Variants in LRMDA observed in about 807,000 individuals in gnomAD.
The protein encoded by LRMDA is leucine-rich melanocyte differentiation-associated protein.
Under a neutral mutation model 29.8 loss-of-function variants are expected in LRMDA, and 18 were observed. The observed-to-expected ratio is 0.60, with a 90% CI of 0.42 to 0.90. LRMDA has a LOEUF of 0.90. Among genes scored for constraint, LRMDA ranks in the 40% least tolerant of loss-of-function variants. The probability of loss-of-function intolerance (pLI) is 0.00; values close to 1 mark genes in which losing one functional copy is unlikely to be tolerated. For missense variants in LRMDA, 273 were observed against 273.9 expected (o/e 1.00, Z 0.02); for synonymous variants, 125 against 109.4 (o/e 1.14, Z -0.89).
At chr10:76,316,332 C>G (rs1041714045) in intron 5 of LRMDA, among the ~76,000 whole-genome samples, 1 of 152,206 alleles carries the variant, frequency 6.6e-6, no homozygotes, top group Admixed American at 6.5e-5. Flanking sequence ...TTGGAGCCAG[C>G]GCCTATACTG....
intron 2 of LRMDA, among the ~76,000 whole-genome samples, chr10:75,915,292 T>A (rs1469711830): frequency 6.6e-6 from 1 of 151,426 alleles, no homozygotes; most frequent in Non-Finnish European, 1.5e-5. Context: ...CCTGCCATCA[T>A]GCCCAGCTAA....
intron 6 of LRMDA, among the ~76,000 whole-genome samples, chr10:76,389,964 A>C (rs577394761): frequency 1.3e-5 from 2 of 152,270 alleles, no homozygotes; most frequent in East Asian, 3.9e-4. Context: ...CCTATAGATA[A>C]ATCTTTGAGA....
intron 2 of LRMDA, among the ~76,000 whole-genome samples, chr10:75,505,526 G>A (rs1845159916): frequency 6.6e-6 from 1 of 152,140 alleles, no homozygotes; most frequent in Non-Finnish European, 1.5e-5. Context: ...CAGGAGCAAG[G>A]GTTAGATGTT....
chr10:76,143,153 C>A (rs548294367), intron 5 of LRMDA, among the ~76,000 whole-genome samples: 3 of 152,098 alleles, frequency 2.0e-5, no homozygotes, highest in African/African-American at 7.2e-5. Flanking sequence ...TGTAAACATA[C>A]GTGTGCATGT....
At chr10:76,380,541 C>T (rs1250602128) in intron 6 of LRMDA, among the ~76,000 whole-genome samples, 10 of 151,762 alleles carry the variant, frequency 6.6e-5, no homozygotes, top group South Asian at 4.2e-4. Flanking sequence ...TGGTGGCGGG[C>T]GCCTGTAGTC....
At chr10:75,433,756 A>G (rs1187109970) in intron 1 of LRMDA, among the ~76,000 whole-genome samples, 2 of 152,178 alleles carry the variant, frequency 1.3e-5, no homozygotes, top group Admixed American at 6.5e-5. Context: ...ATGTTACTCA[A>G]ATATAAAAAC....
intron 2 of LRMDA, among the ~76,000 whole-genome samples, chr10:75,446,979 A>G (rs908144072): frequency 2.6e-5 from 4 of 152,174 alleles, no homozygotes; most frequent in African/African-American, 9.6e-5. Flanking sequence ...TAGTGGTCTT[A>G]TTTGGGAAGC....
intron 6 of LRMDA, among the ~76,000 whole-genome samples, chr10:76,513,296 A>G (rs1843026564): frequency 1.3e-5 from 2 of 152,332 alleles, no homozygotes; most frequent in Non-Finnish European, 2.9e-5. Flanking sequence ...ACAAAAGCTA[A>G]TTGGCATCCT....
intron 2 of LRMDA, among the ~76,000 whole-genome samples, chr10:75,844,248 A>G (rs781258865): frequency 7.9e-5 from 12 of 152,216 alleles, no homozygotes; most frequent in Non-Finnish European, 5.9e-5. Flanking sequence ...GGCCTATGGT[A>G]TGTGGTTTCG....
At chr10:75,832,857 G>T (rs926911535) in intron 2 of LRMDA, among the ~76,000 whole-genome samples, 1 of 152,148 alleles carries the variant, frequency 6.6e-6, no homozygotes, top group Non-Finnish European at 1.5e-5. Context: ...TCACTATCAC[G>T]AGAACAACAC....
At chr10:75,599,876 G>T (rs1840859454) in intron 2 of LRMDA, among the ~76,000 whole-genome samples, 1 of 152,190 alleles carries the variant, frequency 6.6e-6, no homozygotes, top group Admixed American at 6.5e-5. Flanking sequence ...TTCTGAGGCT[G>T]GAGTAGGATG....
At chr10:75,926,095 G>A (rs929299211) in intron 2 of LRMDA, among the ~76,000 whole-genome samples, 1 of 152,312 alleles carries the variant, frequency 6.6e-6, no homozygotes, top group Admixed American at 6.5e-5. Flanking sequence ...TAATCCATGT[G>A]CTAGGTACAC....
intron 6 of LRMDA, among the ~76,000 whole-genome samples, chr10:76,527,752 A>T (rs1564567424): frequency 6.6e-6 from 1 of 152,194 alleles, no homozygotes; most frequent in Non-Finnish European, 1.5e-5. Context: ...GCCAGTATTC[A>T]AACTCTAAAA....
At chr10:76,007,627 G>A (rs192869474) in intron 2 of LRMDA, among the ~76,000 whole-genome samples, 141 of 152,166 alleles carry the variant, frequency 9.3e-4, no homozygotes, top group Admixed American at 1.9e-3. Context: ...CCTTCTCCCC[G>A]CCATCCCAAA....
At chr10:75,721,692 C>A (rs1379265455) in intron 2 of LRMDA, among the ~76,000 whole-genome samples, 1 of 152,186 alleles carries the variant, frequency 6.6e-6, no homozygotes, top group Non-Finnish European at 1.5e-5. Context: ...GGTGACATAT[C>A]ATGTTGTATT....
intron 2 of LRMDA, among the ~76,000 whole-genome samples, chr10:75,685,232 A>G (rs2132155808): frequency 6.6e-6 from 1 of 152,020 alleles, no homozygotes; most frequent in African/African-American, 2.4e-5. Flanking sequence ...TTTCAGCCAG[A>G]GGCTTGAAAA....
intron 1 of LRMDA, among the ~76,000 whole-genome samples, chr10:75,432,733 A>G (rs1844215961): frequency 2.0e-5 from 3 of 152,290 alleles, no homozygotes; most frequent in African/African-American, 7.2e-5. Context: ...CTTAGAGGAG[A>G]TTCTAGGGGT....
chr10:75,600,317 C>T (rs1239122253), intron 2 of LRMDA, among the ~76,000 whole-genome samples: 2 of 152,318 alleles, frequency 1.3e-5, no homozygotes, highest in Non-Finnish European at 2.9e-5. Context: ...CTCCCCATTT[C>T]GCTTGCCTTG....
chr10:75,678,922 C>T (rs188127653), intron 2 of LRMDA, among the ~76,000 whole-genome samples: 3 of 152,150 alleles, frequency 2.0e-5, no homozygotes, highest in Admixed American at 6.5e-5. Context: ...GGAAATTAAA[C>T]GGGCAGGACA....
Sources: gnomAD v4.1 joint callset for allele counts (sites outside exome capture counted in the v4.1 genomes callset) on GRCh38, gnomAD v4.1.1 for gene constraint, MANE v1.5 for transcripts, NCBI Gene and HGNC (gene_info 2026-07-23, HGNC 2026-07-21) for gene names.